PHACTR1: variants seen among roughly 807,000 people sequenced by gnomAD.
PHACTR1 encodes RPEL repeat containing 1.
In PHACTR1, 16 loss-of-function variants were observed where a neutral mutation model predicts 69.2. The observed-to-expected ratio is 0.23, with a 90% CI of 0.16 to 0.35. PHACTR1 has a LOEUF of 0.35. PHACTR1 is among the 10% of genes least tolerant of loss of function. The probability of loss-of-function intolerance (pLI) is 1.00; values close to 1 mark genes in which losing one functional copy is unlikely to be tolerated. For synonymous variants in PHACTR1, 312 were observed against 284.5 expected, an observed-to-expected ratio of 1.10 and a Z score of -0.97; for missense variants, 510 against 734.7, an observed-to-expected ratio of 0.69 and a Z score of 3.54.
chr6:13,224,547 C>T (rs1019370893), intron 8 of PHACTR1, among the ~76,000 whole-genome samples: 17 of 152,040 alleles, frequency 1.1e-4, no homozygotes, highest in Non-Finnish European at 2.1e-4. Flanking sequence ...ACCTTCCTTT[C>T]GGAATGAGAG....
At chr6:12,788,831 T>A (rs1330465874) in intron 4 of PHACTR1, among the ~76,000 whole-genome samples, 1 of 152,154 alleles carries the variant, frequency 6.6e-6, no homozygotes, top group Non-Finnish European at 1.5e-5. Context: ...GGAGGCAGAT[T>A]TGATTAAATT....
chr6:13,181,959 C>T (rs1039255114), intron 6 of PHACTR1, among the ~76,000 whole-genome samples: 1 of 152,130 alleles, frequency 6.6e-6, no homozygotes, highest in Admixed American at 6.6e-5. Context: ...AATGGCCGGG[C>T]GCGGTGGCTT....
intron 4 of PHACTR1, among the ~76,000 whole-genome samples, chr6:12,913,560 C>G (rs1786643272): frequency 6.6e-6 from 1 of 152,218 alleles, no homozygotes; most frequent in Non-Finnish European, 1.5e-5. Flanking sequence ...TACGAGAGAA[C>G]TCCTTAGAGG....
At chr6:12,773,897 T>A (rs1024301696) in intron 4 of PHACTR1, among the ~76,000 whole-genome samples, 7 of 152,212 alleles carry the variant, frequency 4.6e-5, no homozygotes, top group Non-Finnish European at 1.0e-4. Flanking sequence ...CACTTTGGAT[T>A]GATTGGTTCA....
intron 5 of PHACTR1, among the ~76,000 whole-genome samples, chr6:13,054,610 G>A (rs1327720909): frequency 3.3e-5 from 5 of 152,180 alleles, no homozygotes; most frequent in Non-Finnish European, 7.4e-5. Flanking sequence ...TGCACAGAGA[G>A]AGCATGTACG....
chr6:12,811,231 T>C (rs938887264), intron 4 of PHACTR1, among the ~76,000 whole-genome samples: 11 of 152,228 alleles, frequency 7.2e-5, no homozygotes, highest in African/African-American at 2.4e-4. Flanking sequence ...GAAGACAACA[T>C]TGAAAAATGT....
At chr6:12,800,583 T>G (rs1773578088) in intron 4 of PHACTR1, among the ~76,000 whole-genome samples, 1 of 152,030 alleles carries the variant, frequency 6.6e-6, no homozygotes, top group East Asian at 1.9e-4. Flanking sequence ...AAATATTGAG[T>G]TAAGAAAGTT....
At chr6:12,787,289 T>A (rs1385443596) in intron 4 of PHACTR1, among the ~76,000 whole-genome samples, 1 of 152,196 alleles carries the variant, frequency 6.6e-6, no homozygotes, top group East Asian at 1.9e-4. Context: ...GCCAAGTAGG[T>A]ATGAGATTAA....
chr6:12,857,112 C>T (rs1304600058), intron 4 of PHACTR1, among the ~76,000 whole-genome samples: 2 of 152,144 alleles, frequency 1.3e-5, no homozygotes, highest in Non-Finnish European at 2.9e-5. Flanking sequence ...TAATAAGGAC[C>T]TCTGTGTATG....
chr6:13,116,674 T>C (rs1190689121), intron 5 of PHACTR1, among the ~76,000 whole-genome samples: 2 of 152,210 alleles, frequency 1.3e-5, no homozygotes, highest in African/African-American at 4.8e-5. Context: ...TATATACTTT[T>C]TTGTAAGTGT....
intron 4 of PHACTR1, among the ~76,000 whole-genome samples, chr6:12,865,949 C>G (rs921043752): frequency 6.6e-5 from 10 of 152,156 alleles, no homozygotes; most frequent in Non-Finnish European, 1.5e-4. Context: ...TTTGTCTTTT[C>G]CCTCCTCCCT....
At chr6:13,235,250 C>T (rs1294996179) in intron 10 of PHACTR1, among the ~76,000 whole-genome samples, 2 of 152,136 alleles carry the variant, frequency 1.3e-5, no homozygotes, top group Non-Finnish European at 2.9e-5. Context: ...CTCTAGATCT[C>T]CTCTTGGGAT....
chr6:12,971,371 A>G (rs978456786), intron 4 of PHACTR1, among the ~76,000 whole-genome samples: 4 of 152,224 alleles, frequency 2.6e-5, no homozygotes, highest in Non-Finnish European at 4.4e-5. Flanking sequence ...GCAAAGGCAC[A>G]TGCACATAGA....
chr6:12,896,358 G>T (rs1784669144), intron 4 of PHACTR1, among the ~76,000 whole-genome samples: 1 of 152,224 alleles, frequency 6.6e-6, no homozygotes, highest in East Asian at 1.9e-4. Flanking sequence ...TGATAGATTT[G>T]TTAGGGTGTT....
chr6:12,858,288 G>A (rs898176492), intron 4 of PHACTR1, among the ~76,000 whole-genome samples: 1 of 152,152 alleles, frequency 6.6e-6, no homozygotes, highest in African/African-American at 2.4e-5. Context: ...CAGGCTTGCG[G>A]AGGCTGACGC....
At chr6:12,862,720 C>A (rs1781064323) in intron 4 of PHACTR1, among the ~76,000 whole-genome samples, 1 of 152,154 alleles carries the variant, frequency 6.6e-6, no homozygotes, top group Non-Finnish European at 1.5e-5. Context: ...GAAAAAAAAG[C>A]ACATCTTCTC....
At chr6:12,845,034 GA>G (rs567068865) in intron 4 of PHACTR1, among the ~76,000 whole-genome samples, 22 of 152,086 alleles carry the variant, frequency 1.4e-4, no homozygotes, top group African/African-American at 4.8e-4. Context: ...AGATTTTGAA[GA>G]AAAAAAATTA....
At chr6:12,863,856 G>C (rs974318103) in intron 4 of PHACTR1, among the ~76,000 whole-genome samples, 2 of 151,474 alleles carry the variant, frequency 1.3e-5, no homozygotes, top group African/African-American at 4.9e-5. Flanking sequence ...AGATCCACAG[G>C]AGCAACAATT....
At chr6:12,865,244 T>C (rs1405475223) in intron 4 of PHACTR1, among the ~76,000 whole-genome samples, 1 of 152,180 alleles carries the variant, frequency 6.6e-6, no homozygotes, top group African/African-American at 2.4e-5. Context: ...GGAGGAAGGA[T>C]AAAGACCACT....
Sources: gnomAD v4.1 joint callset for allele counts (sites outside exome capture counted in the v4.1 genomes callset) on GRCh38, gnomAD v4.1.1 for gene constraint, MANE v1.5 for transcripts, NCBI Gene and HGNC (gene_info 2026-07-23, HGNC 2026-07-21) for gene names.